Variants in FCHSD2 observed in about 807,000 individuals in gnomAD.
FCHSD2 encodes the protein FCH and double SH3 domains 2.
Under a neutral mutation model 108.1 loss-of-function variants are expected in FCHSD2, and 38 were observed. The ratio of observed to expected loss-of-function variants is 0.35; its 90% CI spans 0.27 to 0.46. The LOEUF is 0.46. Among genes scored for constraint, FCHSD2 ranks in the 20% least tolerant of loss-of-function variants. The pLI, the probability that FCHSD2 is intolerant of heterozygous loss-of-function variation, is 1.00. For synonymous variants in FCHSD2, 279 were observed against 314.7 expected, an observed-to-expected ratio of 0.89 and a Z score of 1.20; for missense variants, 751 against 897.8, an observed-to-expected ratio of 0.84 and a Z score of 2.09.
In FCHSD2 at chr11:72,896,260, G is replaced by A. The variant is rs1855415346; in HGVS notation, c.924+6283C>T. On this transcript the variant is annotated intron_variant, in intron 10 of 19. Coordinates refer to ENST00000409418, the MANE Select transcript of FCHSD2 (RefSeq NM_014824.3). ...AAGATCTTGTTATTTGCTGTTCAAA[G>A]AAGGTAAAGGGGAAAGTGTATTCTC... 3.3e-5 allele frequency among the ~76,000 whole-genome samples: 5 copies of A among 152,162 alleles called. No homozygotes were observed. The South Asian group carries it at 1.0e-3, about 32-fold the overall frequency.
At chr11:73,025,996 G>T (rs1565373424) in intron 3 of FCHSD2, among the ~76,000 whole-genome samples, 8 of 127,642 alleles carry the variant, frequency 6.3e-5, no homozygotes, top group Admixed American at 5.7e-4. Context: ...TTCATTTTAT[G>T]TATGTATGTA....
At chr11:73,020,155 G>A (rs1474611061) in intron 3 of FCHSD2, among the ~76,000 whole-genome samples, 1 of 152,184 alleles carries the variant, frequency 6.6e-6, no homozygotes, top group Non-Finnish European at 1.5e-5. Flanking sequence ...AGTGTCTGAT[G>A]TTAGGCTTGC....
In FCHSD2 at chr11:72,898,918, T is replaced by TTA. The variant is rs756600347; in HGVS notation, c.924+3624_924+3625insTA. Among the ~76,000 whole-genome samples, 19 of 148,222 alleles carry TTA rather than the reference T, an allele frequency of 1.3e-4. No homozygotes were observed. In the East Asian group the frequency reaches 2.7e-3, roughly 21 times the overall value. On this transcript the variant is annotated intron_variant, in intron 10 of 19. Coordinates refer to ENST00000409418, the MANE Select transcript of FCHSD2 (RefSeq NM_014824.3). ...CTAGTTTTCTGTATTATTATTATTA[T>TTA]TTTTTTTTTAGAGAAAGGGTTTCGC...
chr11:73,051,804 A>G (rs1159370166), intron 3 of FCHSD2, among the ~76,000 whole-genome samples: 1 of 151,944 alleles, frequency 6.6e-6, no homozygotes, highest in Non-Finnish European at 1.5e-5. Context: ...TGCTATTTCA[A>G]ATAAGTATTA....
chr11:73,032,346 G>A (rs1034325696), intron 3 of FCHSD2, among the ~76,000 whole-genome samples: 7 of 151,908 alleles, frequency 4.6e-5, no homozygotes, highest in East Asian at 1.9e-4. Flanking sequence ...TTCCCACCTC[G>A]GCTTCCCAAG....
chr11:72,911,558 C>T (rs1457495938), intron 9 of FCHSD2, among the ~76,000 whole-genome samples: 1 of 152,200 alleles, frequency 6.6e-6, no homozygotes, highest in Admixed American at 6.5e-5. Flanking sequence ...TGCATTGAAT[C>T]TGTAGACTGC....
In FCHSD2 at chr11:72,984,170, C is replaced by T; in HGVS notation, c.623G>A (p.Arg208Lys). ...CGCTAGGGTAAGAAGATAATCATTCCTTGCGTGGGTAGCTTTGGAATTACA... is the reference window on the plus strand; with the variant it reads ...CGCTAGGGTAAGAAGATAATCATTCTTTGCGTGGGTAGCTTTGGAATTACA... ...SECNSKATHARNDYLLTLAAA... is the reference protein window; with the variant it reads ...SECNSKATHAKNDYLLTLAAA... The change falls in exon 8 of 20, where the codon AGG (arginine) becomes AAG (lysine). Residue 208 changes from arginine (R) to lysine (K), a missense_variant. Coordinates refer to ENST00000409418, the MANE Select transcript of FCHSD2 (RefSeq NM_014824.3). The T allele has an allele frequency of 1.2e-6, 2 of 1,613,686 alleles. No homozygotes were observed. The highest frequency in any genetic ancestry group is 1.7e-6 in the Non-Finnish European group (2 of 1,179,650).
At chr11:72,901,622 G>C (rs1855527628) in intron 10 of FCHSD2, among the ~76,000 whole-genome samples, 1 of 151,914 alleles carries the variant, frequency 6.6e-6, no homozygotes, top group African/African-American at 2.4e-5. Context: ...AAGTGACAGT[G>C]AATCAATCTC....
intron 2 of FCHSD2, among the ~76,000 whole-genome samples, chr11:73,138,982 A>G (rs61896993): frequency 0.015 from 2,225 of 152,312 alleles, 31 homozygotes; most frequent in Non-Finnish European, 0.022. Flanking sequence ...CAGAATTAAA[A>G]TTGTAATTTT....
intron 14 of FCHSD2, among the ~76,000 whole-genome samples, chr11:72,845,264 T>C (rs1861090740): frequency 6.6e-6 from 1 of 151,076 alleles, no homozygotes; most frequent in Non-Finnish European, 1.5e-5. Context: ...CTATGAAAAA[T>C]ACAAAAAATT....
chr11:72,895,603 A>G (rs1447122479), intron 10 of FCHSD2, among the ~76,000 whole-genome samples: 2 of 152,188 alleles, frequency 1.3e-5, no homozygotes, highest in African/African-American at 4.8e-5. Context: ...GTTACTCTGG[A>G]TGGTTAGACA....
At chr11:73,047,524 T>C (rs1051055102) in intron 3 of FCHSD2, among the ~76,000 whole-genome samples, 2 of 152,204 alleles carry the variant, frequency 1.3e-5, no homozygotes, top group Admixed American at 6.5e-5. Context: ...ATACTGGTCA[T>C]TGACAGTACC....
Position 72,842,758 on chromosome 11 carries a change from AGATACG to A in FCHSD2, c.1783_1788del (p.Arg595_Ile596del). 6.2e-7 allele frequency: 1 copy of A among 1,613,956 alleles called. No homozygotes were observed. The highest frequency in any genetic ancestry group is 2.2e-5 in the East Asian group (1 of 44,884). ...TCATCATCTTGGTTTTCTTTGTTCA[AGATACG>A]GATTATTGCTCCCTCAGGAAAAGAT... is the stretch of plus-strand genomic sequence containing the variant. On this transcript the variant is annotated inframe_deletion, in exon 17 of 20. Transcript: ENST00000409418.
intron 8 of FCHSD2, among the ~76,000 whole-genome samples, chr11:72,961,259 T>A (rs1460270019): frequency 1.3e-5 from 2 of 152,142 alleles, no homozygotes; most frequent in African/African-American, 2.4e-5. Context: ...TGAGACAGAG[T>A]CTCACTCTGT....
At chr11:73,104,906 T>C (rs1860306515) in intron 2 of FCHSD2, among the ~76,000 whole-genome samples, 2 of 152,162 alleles carry the variant, frequency 1.3e-5, no homozygotes, top group African/African-American at 4.8e-5. Context: ...ATGGTGAAAA[T>C]CTATATTTTA....
At chr11:73,076,016 G>T (rs1859542816) in intron 3 of FCHSD2, among the ~76,000 whole-genome samples, 1 of 152,112 alleles carries the variant, frequency 6.6e-6, no homozygotes, top group South Asian at 2.1e-4. Context: ...CTACTTGGGA[G>T]TCTGACATAG....
intron 8 of FCHSD2, among the ~76,000 whole-genome samples, chr11:72,967,522 C>T (rs1856932872): frequency 6.6e-6 from 1 of 152,104 alleles, no homozygotes; most frequent in South Asian, 2.1e-4. Context: ...AAATGGGCCA[C>T]ATATTGTATG....
At chr11:73,078,771 C>A (rs1859614121) in intron 3 of FCHSD2, among the ~76,000 whole-genome samples, 1 of 152,144 alleles carries the variant, frequency 6.6e-6, no homozygotes, top group African/African-American at 2.4e-5. Flanking sequence ...AAGTCTGAAG[C>A]ACAGTGGTGC....
At chr11:72,883,694 G>A (rs774218057) in intron 12 of FCHSD2, among the ~76,000 whole-genome samples, 26 of 152,140 alleles carry the variant, frequency 1.7e-4, no homozygotes, top group African/African-American at 7.2e-5. Context: ...CACTCTGGGC[G>A]GCCAAGGCAG....
Sources: gnomAD v4.1 joint callset for allele counts (sites outside exome capture counted in the v4.1 genomes callset) on GRCh38, gnomAD v4.1.1 for gene constraint, MANE v1.5 for transcripts, NCBI Gene and HGNC (gene_info 2026-07-23, HGNC 2026-07-21) for gene names.